RBFOX1: variants seen among roughly 807,000 people sequenced by gnomAD.
RBFOX1 encodes the protein RNA binding protein fox-1 homolog 1.
RBFOX1 carries 8 observed loss-of-function variants against 57.7 expected under a neutral mutation model. The ratio of observed to expected loss-of-function variants is 0.14; its 90% CI spans 0.08 to 0.25. The LOEUF (loss-of-function observed/expected upper bound fraction) is 0.25, where lower values mean the gene tolerates loss of function less well. Ranked by LOEUF, RBFOX1 falls within the 10% of genes least tolerant of loss-of-function variation. The pLI, the probability that RBFOX1 is intolerant of heterozygous loss-of-function variation, is 1.00. For synonymous variants in RBFOX1, 326 were observed against 222.4 expected, an observed-to-expected ratio of 1.47 and a Z score of -4.15; for missense variants, 611 against 548.5, an observed-to-expected ratio of 1.11 and a Z score of -1.14.
intron 5 of RBFOX1, among the ~76,000 whole-genome samples, chr16:7,564,587 A>T (rs2091249114): frequency 6.9e-6 from 1 of 145,000 alleles, no homozygotes; most frequent in Admixed American, 6.9e-5. Context: ...TCTGCAAGCC[A>T]GGAAGAGGGC....
At chr16:7,038,058 A>T (rs149151855) in intron 3 of RBFOX1, among the ~76,000 whole-genome samples, 3 of 151,778 alleles carry the variant, frequency 2.0e-5, no homozygotes, top group South Asian at 2.1e-4. Flanking sequence ...GAGAGATTCA[A>T]ATGGTATGTA....
At chr16:6,071,194 G>A (rs1217137065) in intron 1 of RBFOX1, among the ~76,000 whole-genome samples, 1 of 152,116 alleles carries the variant, frequency 6.6e-6, no homozygotes, top group Non-Finnish European at 1.5e-5. Context: ...TGTGGCACAT[G>A]CCTGTAGGAC....
intron 1 of RBFOX1, among the ~76,000 whole-genome samples, chr16:6,270,812 A>G (rs72776478): frequency 0.029 from 4,482 of 152,302 alleles, 109 homozygotes; most frequent in South Asian, 0.088. Context: ...GCCATAAAAC[A>G]AAGTTTAACA....
intron 4 of RBFOX1, among the ~76,000 whole-genome samples, chr16:6,002,894 A>G (rs181577791): frequency 6.6e-6 from 1 of 152,262 alleles, no homozygotes; most frequent in East Asian, 1.9e-4. Context: ...TATGCACTCT[A>G]CACATACTTC....
chr16:7,104,283 C>G (rs7193661), intron 4 of RBFOX1, among the ~76,000 whole-genome samples: 47 of 152,008 alleles, frequency 3.1e-4, no homozygotes, highest in African/African-American at 8.9e-4. Flanking sequence ...CACCCATTCA[C>G]TGGAATTGAG....
intron 4 of RBFOX1, among the ~76,000 whole-genome samples, chr16:5,898,653 C>T (rs1271728487): frequency 6.6e-6 from 1 of 151,850 alleles, no homozygotes; most frequent in East Asian, 1.9e-4. Context: ...CCAAAATTAC[C>T]CAGGTAGTGA....
At position 7,630,642 on chromosome 16, in the gene RBFOX1, C is replaced by A. The variant is rs775599077; in HGVS notation, c.716C>A (p.Ser239Tyr). The A allele has an allele frequency of 1.2e-6, 2 of 1,614,182 alleles. No individual in the cohort carries two copies. Among genetic ancestry groups the A allele is most frequent in the Non-Finnish European group, 1.7e-6 (2 of 1,180,046 alleles). The change falls in exon 11 of 16, where the codon TCC becomes TAC. Residue 239 changes from serine to tyrosine, a missense_variant. Ser to Tyr is a moderately radical substitution (Grantham distance 144). Around this residue, in one of 3 missense-constraint regions of RBFOX1, gnomAD observed 267 missense variants for 229.1 expected, o/e 1.17. Coordinates refer to ENST00000550418, the MANE Select transcript of RBFOX1 (RefSeq NM_018723.4). ...TGCCAGGCCAACCAGGAGGGATCTT[C>A]CATGTACAGTGCCCCCAGTTCACTT... ...LLCQANQEGS[S>Y]MYSAPSSLVY...
At chr16:5,830,065 A>C (rs1334316992) in intron 3 of RBFOX1, among the ~76,000 whole-genome samples, 1 of 152,198 alleles carries the variant, frequency 6.6e-6, no homozygotes, top group African/African-American at 2.4e-5. Flanking sequence ...AAAACACCAC[A>C]CTGCCACTTT....
chr16:7,240,860 G>A (rs543765814), intron 4 of RBFOX1, among the ~76,000 whole-genome samples: 2 of 152,280 alleles, frequency 1.3e-5, no homozygotes, highest in South Asian at 4.1e-4. Context: ...GTGAGCCGCT[G>A]CACCTGGCAA....
chr16:7,073,134 C>T (rs1052578611), intron 4 of RBFOX1, among the ~76,000 whole-genome samples: 3 of 152,144 alleles, frequency 2.0e-5, no homozygotes, highest in Admixed American at 6.5e-5. Flanking sequence ...TATCTTAGGG[C>T]AAGGGTCAGC....
At position 6,368,532 on chromosome 16, in the gene RBFOX1, G is replaced by T. The variant is rs115722893; in HGVS notation, c.-64+51475G>T. On this transcript the variant is annotated intron_variant, in intron 2 of 15. Transcript: ENST00000550418. ...CATCCACATCTCCTTCCAATTCATG[G>T]AACCTCCTTTATTTCTTCCCTGCCT... is the stretch of plus-strand genomic sequence containing the variant. 9.7e-3 allele frequency among the ~76,000 whole-genome samples: 1,474 copies of T among 152,236 alleles called. 28 individuals are homozygous for T. The highest frequency in any genetic ancestry group is 0.034 in the African/African-American group (1,408 of 41,528).
chr16:6,394,399 T>G lies in RBFOX1; in HGVS notation c.-64+77342T>G, dbSNP rs74322453. 4.4e-3 allele frequency among the ~76,000 whole-genome samples: 670 copies of G among 152,322 alleles called. 5 individuals are homozygous for G. Among genetic ancestry groups the G allele is most frequent in the African/African-American group, 0.015 (634 of 41,588 alleles). Reference sequence around the variant, plus strand: ...TGCATGTGAATAAAAGAGAACTAACTGAACTGAATTACAGGCACTTGGCTG... The same window carrying G: ...TGCATGTGAATAAAAGAGAACTAACGGAACTGAATTACAGGCACTTGGCTG... On this transcript the variant is annotated intron_variant, in intron 2 of 15. Transcript: ENST00000550418.
intron 2 of RBFOX1, among the ~76,000 whole-genome samples, chr16:6,453,325 A>G (rs1237044206): frequency 1.3e-5 from 2 of 152,064 alleles, no homozygotes; most frequent in Admixed American, 6.5e-5. Context: ...ATGTGTTTTC[A>G]TTATTCAACT....
chr16:6,591,148 C>T (rs769923548), intron 2 of RBFOX1, among the ~76,000 whole-genome samples: 1 of 152,114 alleles, frequency 6.6e-6, no homozygotes, highest in African/African-American at 2.4e-5. Context: ...TAAATACATT[C>T]ATAATTGAAA....
intron 1 of RBFOX1, among the ~76,000 whole-genome samples, chr16:6,233,009 T>G (rs1181958155): frequency 6.6e-6 from 1 of 152,090 alleles, no homozygotes; most frequent in African/African-American, 2.4e-5. Context: ...GCCATTCCCA[T>G]TGAATTCTAC....
intron 1 of RBFOX1, among the ~76,000 whole-genome samples, chr16:5,447,596 C>G (rs957689926): frequency 6.6e-6 from 1 of 152,146 alleles, no homozygotes; most frequent in Non-Finnish European, 1.5e-5. Context: ...CGAGATTTCA[C>G]CATGTTGGCC....
At chr16:6,223,962 C>T (rs1242458633) in intron 1 of RBFOX1, among the ~76,000 whole-genome samples, 3 of 152,148 alleles carry the variant, frequency 2.0e-5, no homozygotes, top group Admixed American at 2.0e-4. Context: ...ATAGGGACTC[C>T]TTTCCCCATT....
intron 2 of RBFOX1, among the ~76,000 whole-genome samples, chr16:6,589,622 G>A (rs1274415205): frequency 2.0e-5 from 3 of 152,208 alleles, no homozygotes; most frequent in Non-Finnish European, 4.4e-5. Context: ...AAATCTTGCA[G>A]CTCCTAGCTG....
chr16:7,501,120 A>C (rs1415831331), intron 4 of RBFOX1, among the ~76,000 whole-genome samples: 1 of 152,186 alleles, frequency 6.6e-6, no homozygotes, highest in African/African-American at 2.4e-5. Flanking sequence ...ATATGTCTTT[A>C]CTTGCAGTGT....
Sources: allele counts gnomAD v4.1 joint callset (sites outside exome capture counted in the v4.1 genomes callset), GRCh38; gene constraint gnomAD v4.1.1; regional missense constraint gnomAD v4.1.1; transcripts MANE v1.5; gene names NCBI Gene and HGNC (gene_info 2026-07-23, HGNC 2026-07-21).